The following MYH10 variants were observed in gnomAD, a reference collection of about 807,000 sequenced individuals.
MYH10 encodes the protein myosin-10.
MYH10 carries 55 observed loss-of-function variants against 257.8 expected under a neutral mutation model. The ratio of observed to expected loss-of-function variants is 0.21; its 90% confidence interval spans 0.17 to 0.27. The LOEUF (loss-of-function observed/expected upper bound fraction) is 0.27. MYH10 is among the 10% of genes least tolerant of loss of function. The pLI is 1.00. For synonymous variants in MYH10, 854 were observed against 921.7 expected, an observed-to-expected ratio of 0.93 and a Z score of 1.33; for missense variants, 1,631 against 2,500.6, an observed-to-expected ratio of 0.65 and a Z score of 7.42.
Position 8,582,906 on chromosome 17 carries a change from C to T in MYH10, c.531-5568G>A, listed in dbSNP as rs186064556. 6.3e-4 allele frequency among the ~76,000 whole-genome samples: 96 copies of T among 152,258 alleles called. No homozygotes were observed. In the East Asian group the frequency reaches 0.014, roughly 22 times the overall value. On this transcript the variant is annotated intron_variant, in intron 4 of 42. Coordinates refer to ENST00000360416, the MANE Select transcript of MYH10 (RefSeq NM_001256012.3). ...GAATTCAGCCTAGCTTCAAAAATCA[C>T]CCTCTGCTTGAAGTTCTTGTTTTAG...
chr17:8,597,781 AT>A (rs5819202), intron 3 of MYH10, among the ~76,000 whole-genome samples: 55 of 147,898 alleles, frequency 3.7e-4, no homozygotes, highest in African/African-American at 1.3e-3. Context: ...GGCCCGGCTA[AT>A]TTTTTTTTTG....
chr17:8,581,419 G>C (rs142959828), intron 4 of MYH10, among the ~76,000 whole-genome samples: 1 of 152,146 alleles, frequency 6.6e-6, no homozygotes, highest in African/African-American at 2.4e-5. Flanking sequence ...TTCCAGCCTG[G>C]TTTGTCTCTG....
intron 35 of MYH10, among the ~76,000 whole-genome samples, chr17:8,488,660 T>G (rs1915266678): frequency 6.6e-6 from 1 of 152,102 alleles, no homozygotes; most frequent in African/African-American, 2.4e-5. Flanking sequence ...CACCAAGGCT[T>G]GACGGAGTGG....
chr17:8,626,380 A>G (rs957119651), intron 1 of MYH10, among the ~76,000 whole-genome samples: 4 of 152,058 alleles, frequency 2.6e-5, no homozygotes, highest in African/African-American at 9.7e-5. Context: ...AGCCTGGGCA[A>G]CATAGCGAAA....
rs553969105 is a variant in MYH10, at chr17:8,597,346, GAAGA to G, written c.502+7476_502+7479del. 3.5e-3 allele frequency among the ~76,000 whole-genome samples: 522 copies of G among 151,108 alleles called. 2 individuals carry two copies. The highest frequency in any genetic ancestry group is 0.011 in the African/African-American group (464 of 41,258). ...GAAAGGAGAAGAAAAGAAAGAAAGA[GAAGA>G]AAGAAAGAAAAAGAATATCATAGGC... On this transcript the variant is annotated intron_variant, in intron 3 of 42. Transcript: ENST00000360416.
At chr17:8,512,735 T>A in intron 23 of MYH10, 78 bp from the exon 24 acceptor site, 1 of 1,099,956 alleles carries the variant, frequency 9.1e-7, no homozygotes, top group Non-Finnish European at 1.3e-6. Context: ...ATTTCAATGG[T>A]CAATGCACAT....
chr17:8,607,804 A>T (rs1023702800), intron 2 of MYH10, among the ~76,000 whole-genome samples: 1 of 152,208 alleles, frequency 6.6e-6, no homozygotes, highest in Non-Finnish European at 1.5e-5. Flanking sequence ...ACAAGCTACA[A>T]TGCAAAGCAC....
At chr17:8,611,869 G>A (rs959761157) in intron 2 of MYH10, among the ~76,000 whole-genome samples, 8 of 152,120 alleles carry the variant, frequency 5.3e-5, no homozygotes, top group African/African-American at 7.2e-5. Context: ...GAATTTTCCC[G>A]GACCAACAAA....
intron 1 of MYH10, among the ~76,000 whole-genome samples, chr17:8,627,496 T>C (rs922966806): frequency 1.3e-5 from 2 of 152,252 alleles, no homozygotes; most frequent in Admixed American, 1.3e-4. Flanking sequence ...TTCTCCTGAC[T>C]TTCTTCTTAC....
At chr17:8,566,843 A>G (rs1817622855) in intron 7 of MYH10, among the ~76,000 whole-genome samples, 1 of 152,238 alleles carries the variant, frequency 6.6e-6, no homozygotes, top group Non-Finnish European at 1.5e-5. Flanking sequence ...ATAAATCCTT[A>G]CACTTCGTAA....
chr17:8,549,618 C>T (rs938226912), intron 9 of MYH10, among the ~76,000 whole-genome samples: 9 of 152,204 alleles, frequency 5.9e-5, no homozygotes, highest in African/African-American at 2.2e-4. Context: ...GTCTACATCA[C>T]ATTTAACTTC....
At chr17:8,541,873 T>C (rs576933229) in intron 14 of MYH10, among the ~76,000 whole-genome samples, 5 of 152,280 alleles carry the variant, frequency 3.3e-5, no homozygotes, top group East Asian at 1.9e-4. Flanking sequence ...AGTATTCCCA[T>C]GCAAGCAAGG....
Position 8,535,373 on chromosome 17 carries a change from A to G in MYH10, c.1894+14T>C, listed in dbSNP as rs1189658801. The G allele has an allele frequency of 6.3e-7, 1 of 1,591,242 alleles. No homozygotes were observed. Among genetic ancestry groups the G allele is most frequent in the African/African-American group, 1.3e-5 (1 of 74,312 alleles). Reference sequence around the variant, plus strand: ...TCCAGCCAAGCATGATTACAAAGATAAGCACTTTCTTACCATCTTTCCAAA... The same window carrying G: ...TCCAGCCAAGCATGATTACAAAGATGAGCACTTTCTTACCATCTTTCCAAA... On this transcript the variant is annotated intron_variant, in intron 16 of 42. Coordinates refer to ENST00000360416, the MANE Select transcript of MYH10 (RefSeq NM_001256012.3). The surrounding 1 kb of genome is among the most constrained non-coding windows in gnomAD (Gnocchi z 4.3).
In MYH10 at chr17:8,490,632, C is replaced by G; in HGVS notation, c.4672-80G>C. ...AACAGCAGTCTTACTGTTTTACAGG[C>G]CCACTCGTGGCATGCTGGCCACTTT... On this transcript the variant is annotated intron_variant, in intron 34 of 42. Coordinates refer to ENST00000360416, the MANE Select transcript of MYH10 (RefSeq NM_001256012.3). This position sits in a 1 kb window ranked among gnomAD's most constrained non-coding sequence, Gnocchi z 4.1. 2 of 1,448,024 alleles carry G rather than the reference C, an allele frequency of 1.4e-6. No homozygotes were observed. Among genetic ancestry groups the G allele is most frequent in the Non-Finnish European group, 1.9e-6 (2 of 1,036,702 alleles). The allele number at this position is 1,448,024 out of a possible 1,614,324, so 89.7% of individuals were successfully genotyped here.
At chr17:8,605,020 C>A (rs2084745539) in intron 2 of MYH10, 38 bp from the exon 3 acceptor site, 3 of 1,155,724 alleles carry the variant, frequency 2.6e-6, no homozygotes, top group Non-Finnish European at 3.5e-6. Flanking sequence ...AAAAAAAAAC[C>A]TCTGCATTTA....
chr17:8,587,624 C>A (rs1388734242), intron 4 of MYH10, among the ~76,000 whole-genome samples: 2 of 152,218 alleles, frequency 1.3e-5, no homozygotes, highest in Middle Eastern at 3.4e-3. Flanking sequence ...AGACACCCAA[C>A]CCCTGTGCTC....
intron 14 of MYH10, among the ~76,000 whole-genome samples, chr17:8,538,217 T>A (rs1051548871): frequency 1.5e-4 from 23 of 152,358 alleles, no homozygotes; most frequent in Admixed American, 1.4e-3. Flanking sequence ...ATTATTATTA[T>A]TTTTTGAGAC....
Position 8,521,269 on chromosome 17 carries a change from A to T in MYH10, c.1974T>A (p.Gly658=). ...CAGTCATACCAGTGACTTGATCCAG[A>T]CCCACGATACGGTCCACTGGGGAGA... ...LHEPPVDRIV[G]LDQVTGMTET... The change falls in exon 18 of 43, where the codon GGT becomes GGA. Residue 658 remains glycine, a synonymous_variant. Transcript: ENST00000360416. 2 of 1,614,230 alleles carry T rather than the reference A, an allele frequency of 1.2e-6. No individual in the cohort carries two copies. The highest frequency in any genetic ancestry group is 1.1e-5 in the South Asian group (1 of 91,086).
At chr17:8,594,688 AG>A (rs1295500654) in intron 3 of MYH10, among the ~76,000 whole-genome samples, 1 of 152,228 alleles carries the variant, frequency 6.6e-6, no homozygotes, top group Admixed American at 6.5e-5. Flanking sequence ...AACCCACAGC[AG>A]ATAAAAAAAT....
Sources: allele counts gnomAD v4.1 joint callset (sites outside exome capture counted in the v4.1 genomes callset), GRCh38; gene constraint gnomAD v4.1.1; non-coding constraint Gnocchi (gnomAD v3.1); transcripts MANE v1.5; gene names NCBI Gene and HGNC (gene_info 2026-07-23, HGNC 2026-07-21).